The following FAM3B variants were observed in gnomAD, a reference collection of about 807,000 sequenced individuals.
The protein encoded by FAM3B is protein FAM3B.
FAM3B carries 29 observed loss-of-function variants against 28.4 expected under a neutral mutation model. The observed-to-expected ratio is 1.02, with a 90% CI of 0.76 to 1.39. The LOEUF is 1.39. Ranked by LOEUF, FAM3B falls within the 40% of genes most tolerant of loss-of-function variation. The probability of loss-of-function intolerance (pLI) is 0.00; values close to 1 mark genes in which losing one functional copy is unlikely to be tolerated. For missense variants in FAM3B, 266 were observed against 293.9 expected (o/e 0.91, Z 0.69); for synonymous variants, 91 against 103.0 (o/e 0.88, Z 0.71).
intron 7 of FAM3B, among the ~76,000 whole-genome samples, chr21:41,356,086 T>C (rs78673330): frequency 0.084 from 10,871 of 129,696 alleles, 655 homozygotes; most frequent in African/African-American, 0.2. Flanking sequence ...CACACACACA[T>C]AGTTTTACTC....
At chr21:41,317,214 A>T (rs2088757750) in intron 1 of FAM3B, among the ~76,000 whole-genome samples, 1 of 152,026 alleles carries the variant, frequency 6.6e-6, no homozygotes, top group Admixed American at 6.6e-5. Context: ...TTTTACTTGG[A>T]AAGTAGATTG....
intron 1 of FAM3B, among the ~76,000 whole-genome samples, chr21:41,322,245 G>C (rs543243696): frequency 2.0e-5 from 3 of 152,024 alleles, no homozygotes; most frequent in African/African-American, 7.3e-5. Context: ...CTTGGAAATC[G>C]TGCCACTCAT....
rs1047217639 is a variant in FAM3B at position 41,348,275 on chromosome 21, G to A, written c.486-317G>A. ...CTAAACAAGGGGCAGAGCAATAGCC[G>A]AAAATTGTATTGGCTGAGTGTGAGC... On this transcript the variant is annotated intron_variant, in intron 6 of 7. Coordinates refer to ENST00000357985, the MANE Select transcript of FAM3B (RefSeq NM_058186.4). Among the ~76,000 whole-genome samples, 9 of 152,010 alleles carry A rather than the reference G, an allele frequency of 5.9e-5. No individual in the cohort carries two copies. The South Asian group carries it at 1.7e-3, about 28-fold the overall frequency.
intron 2 of FAM3B, among the ~76,000 whole-genome samples, chr21:41,337,468 T>A (rs1258813708): frequency 6.6e-6 from 1 of 152,212 alleles, no homozygotes; most frequent in Admixed American, 6.5e-5. Flanking sequence ...CCCAAATTGC[T>A]GACCCCTGTG....
At chr21:41,314,488 G>C (rs115867942), upstream of FAM3B, among the ~76,000 whole-genome samples, 1,120 of 152,266 alleles carry the variant, frequency 7.4e-3, 17 homozygotes, top group African/African-American at 0.025. Flanking sequence ...TGACAATCTA[G>C]AGGGAAAAAT....
Position 41,348,577 on chromosome 21 carries a change from C to T in FAM3B, c.486-15C>T, listed in dbSNP as rs776038553. 3 of 1,614,116 alleles carry T rather than the reference C, an allele frequency of 1.9e-6. No individual in the cohort carries two copies. The highest frequency in any genetic ancestry group is 2.2e-5 in the South Asian group (2 of 91,086). ...CTCCCTGAGATGCTCACATGCTTTT[C>T]CCTTTGTCCTGCAGACTGAATAACG... On this transcript the variant is annotated splice_polypyrimidine_tract_variant and intron_variant, in intron 6 of 7. Coordinates refer to ENST00000357985, the MANE Select transcript of FAM3B (RefSeq NM_058186.4).
At chr21:41,309,848 C>A (rs1238349574) in intron 1 of FAM3B, among the ~76,000 whole-genome samples, 1 of 152,244 alleles carries the variant, frequency 6.6e-6, no homozygotes, top group Non-Finnish European at 1.5e-5. Flanking sequence ...TGCATTACCA[C>A]CTGGTCCACC....
intron 1 of FAM3B, chr21:41,322,618 G>A: frequency 1.4e-6 from 1 of 717,600 alleles, no homozygotes; most frequent in Non-Finnish European, 2.6e-6. Flanking sequence ...CTCACAAGGT[G>A]CTTGATTAGC....
chr21:41,336,568 T>C (rs2088957856), intron 2 of FAM3B, among the ~76,000 whole-genome samples: 1 of 152,240 alleles, frequency 6.6e-6, no homozygotes, highest in African/African-American at 2.4e-5. Context: ...ATTTACAAAT[T>C]GCCTAGCCTA....
Position 41,333,131 on chromosome 21 carries a change from G to GTTT in FAM3B, c.164-5236_164-5234dup, listed in dbSNP as rs57632341. Among the ~76,000 whole-genome samples, 571 of 128,864 alleles carry GTTT rather than the reference G, an allele frequency of 4.4e-3. 5 individuals are homozygous for GTTT. Among genetic ancestry groups the GTTT allele is most frequent in the African/African-American group, 0.014 (510 of 35,688 alleles). 84.5% of individuals were successfully genotyped at this position (128,864 alleles called of 152,430 possible). On this transcript the variant is annotated intron_variant, in intron 2 of 7. Transcript: ENST00000357985. Reference sequence around the variant, plus strand: ...TAAGTTTTGATATGTTGTGTTTCTGGTTTTTTTTTTTTTGTCTCAAGATAG... The same window carrying GTTT: ...TAAGTTTTGATATGTTGTGTTTCTGGTTTTTTTTTTTTTTTTGTCTCAAGATAG...
intron 2 of FAM3B, among the ~76,000 whole-genome samples, chr21:41,337,167 A>G (rs2088962877): frequency 6.6e-6 from 1 of 152,176 alleles, no homozygotes; most frequent in African/African-American, 2.4e-5. Context: ...TCTTAGTTTA[A>G]GGTGCTAAGA....
rs1184459755 is a variant in FAM3B, at chr21:41,324,028, C to T, written c.163+962C>T. 3.3e-5 allele frequency among the ~76,000 whole-genome samples: 5 copies of T among 152,148 alleles called. No individual in the cohort carries two copies. In the South Asian group the frequency reaches 8.3e-4, roughly 25 times the overall value. On this transcript the variant is annotated intron_variant, in intron 2 of 7. Transcript: ENST00000357985. The stretch of plus-strand genomic sequence containing the variant: ...TTCATGGATGGCTCCTTCTGGCAAA[C>T]GAGGTCTCTGAAGCTCCTTTTATAA...
intron 1 of FAM3B, among the ~76,000 whole-genome samples, 186 bp downstream of exon 1, chr21:41,317,084 C>T (rs940171922): frequency 1.3e-5 from 2 of 152,250 alleles, no homozygotes; most frequent in African/African-American, 4.8e-5. Flanking sequence ...AGGGGGCGAA[C>T]AGCGGGGGTT....
chr21:41,314,195 C>T (rs184458644), upstream of FAM3B, among the ~76,000 whole-genome samples: 5 of 152,306 alleles, frequency 3.3e-5, no homozygotes, highest in East Asian at 1.9e-4. Context: ...TGTTTCTCCA[C>T]CATGTGAGGA....
intron 3 of FAM3B, among the ~76,000 whole-genome samples, chr21:41,344,053 G>A (rs550616676): frequency 1.3e-5 from 2 of 152,356 alleles, no homozygotes; most frequent in Non-Finnish European, 2.9e-5. Context: ...CCGAGAGGCA[G>A]AGGTTGCAGT....
At chr21:41,356,534 T>C (rs11910951) in intron 7 of FAM3B, among the ~76,000 whole-genome samples, 49,316 of 152,100 alleles carry the variant, frequency 0.32, 8,795 homozygotes, top group African/African-American at 0.48. Context: ...TTACCTCCTT[T>C]GCACCATTGT....
intron 2 of FAM3B, among the ~76,000 whole-genome samples, chr21:41,336,107 G>A (rs1046673776): frequency 1.3e-5 from 2 of 152,130 alleles, no homozygotes; most frequent in African/African-American, 2.4e-5. Flanking sequence ...ATTGAAGGAG[G>A]CATGTTTGCC....
At chr21:41,338,871 G>A (rs1228264242) in intron 3 of FAM3B, among the ~76,000 whole-genome samples, 2 of 152,180 alleles carry the variant, frequency 1.3e-5, no homozygotes, top group Admixed American at 6.5e-5. Context: ...TGGGGCACGT[G>A]GGGGCATGAG....
chr21:41,348,797 G>A (rs2089088444), intron 7 of FAM3B, 73 bp downstream of exon 7: 3 of 1,557,948 alleles, frequency 1.9e-6, no homozygotes, highest in South Asian at 2.3e-5. Flanking sequence ...AACGTTCCTG[G>A]TGGGTTATAA....
Sources: allele counts gnomAD v4.1 joint callset (sites outside exome capture counted in the v4.1 genomes callset), GRCh38; gene constraint gnomAD v4.1.1; transcripts MANE v1.5; gene names NCBI Gene and HGNC (gene_info 2026-07-23, HGNC 2026-07-21).